The following NTNG1 variants were observed in gnomAD, a reference collection of about 807,000 sequenced individuals.
The protein encoded by NTNG1 is netrin G1.
A neutral mutation model predicts 54.0 loss-of-function variants in NTNG1; 16 were observed. That is an observed-to-expected ratio of 0.30 (90% CI 0.20 to 0.45). The LOEUF is 0.45. Ranked by LOEUF, NTNG1 falls within the 20% of genes least tolerant of loss-of-function variation. The pLI, the probability that NTNG1 is intolerant of heterozygous loss-of-function variation, is 1.00. For missense variants in NTNG1, 530 were observed against 678.7 expected, an observed-to-expected ratio of 0.78 and a Z score of 2.43; for synonymous variants, 255 against 263.1, an observed-to-expected ratio of 0.97 and a Z score of 0.30.
chr1:107,455,912 A>G (rs553874332), intron 7 of NTNG1, among the ~76,000 whole-genome samples: 1 of 152,350 alleles, frequency 6.6e-6, no homozygotes, highest in East Asian at 1.9e-4. Context: ...GAGGAAAAGT[A>G]GAGATAGCTC....
intron 3 of NTNG1, among the ~76,000 whole-genome samples, chr1:107,380,665 T>C (rs1336746493): frequency 6.6e-6 from 1 of 152,116 alleles, no homozygotes; most frequent in Non-Finnish European, 1.5e-5. Context: ...AGCGAGGAGA[T>C]AGAATTAGAT....
At chr1:107,202,442 T>TA (rs1658827320) in intron 2 of NTNG1, among the ~76,000 whole-genome samples, 1 of 151,920 alleles carries the variant, frequency 6.6e-6, no homozygotes, top group Non-Finnish European at 1.5e-5. Context: ...TAGCACTGTG[T>TA]AATAGCACAG....
intron 3 of NTNG1, among the ~76,000 whole-genome samples, chr1:107,350,724 A>C (rs1426884480): frequency 2.6e-5 from 4 of 152,228 alleles, no homozygotes; most frequent in Non-Finnish European, 5.9e-5. Context: ...CATTATGCTA[A>C]GAAATATAAG....
In NTNG1 at chr1:107,311,874, C is replaced by T. The variant is rs76904110; in HGVS notation, c.247-12408C>T. On this transcript the variant is annotated intron_variant, in intron 2 of 7. Coordinates refer to ENST00000370068, the MANE Select transcript of NTNG1 (RefSeq NM_001113226.3). Reference sequence around the variant, plus strand: ...ATACACACTCATAGGCTGATATGACCGACTTATGAGGTGTGAACACCACAA... The same window carrying T: ...ATACACACTCATAGGCTGATATGACTGACTTATGAGGTGTGAACACCACAA... Among the ~76,000 whole-genome samples, 359 of 152,124 alleles carry T rather than the reference C, an allele frequency of 2.4e-3. 3 individuals carry two copies. Among genetic ancestry groups the T allele is most frequent in the African/African-American group, 7.7e-3 (318 of 41,508 alleles).
In NTNG1 at chr1:107,322,365, C is replaced by T. The variant is rs555636614; in HGVS notation, c.247-1917C>T. 2.0e-5 allele frequency among the ~76,000 whole-genome samples: 3 copies of T among 152,168 alleles called. No homozygotes were observed. In the East Asian group the frequency reaches 5.8e-4, roughly 29 times the overall value. On this transcript the variant is annotated intron_variant, in intron 2 of 7. Transcript: ENST00000370068. ...TTTTCAGGAGGAAGATGGCAGCATC[C>T]AAGTTAATGATAGTGCAGATGGCTA...
chr1:107,318,348 ACC>A (rs1667453378), intron 2 of NTNG1, among the ~76,000 whole-genome samples: 1 of 151,884 alleles, frequency 6.6e-6, no homozygotes, highest in Admixed American at 6.6e-5. Context: ...TATTCAAAGA[ACC>A]CTTATTTTAT....
intron 3 of NTNG1, among the ~76,000 whole-genome samples, chr1:107,387,767 A>G (rs1243803667): frequency 6.6e-6 from 1 of 152,230 alleles, no homozygotes; most frequent in Admixed American, 6.5e-5. Flanking sequence ...CTAACAGGTA[A>G]TTATACCTCC....
At chr1:107,281,177 A>G (rs1664836474) in intron 2 of NTNG1, among the ~76,000 whole-genome samples, 1 of 151,986 alleles carries the variant, frequency 6.6e-6, no homozygotes, top group African/African-American at 2.4e-5. Context: ...ATGTGTTGAA[A>G]TCTTATATCT....
At chr1:107,371,733 G>C (rs1268167753) in intron 3 of NTNG1, among the ~76,000 whole-genome samples, 5 of 151,970 alleles carry the variant, frequency 3.3e-5, no homozygotes, top group Admixed American at 3.3e-4. Context: ...GAAGAGGAGG[G>C]AATACTTTCT....
At chr1:107,166,420 G>T (rs745717762) in intron 2 of NTNG1, among the ~76,000 whole-genome samples, 1 of 151,806 alleles carries the variant, frequency 6.6e-6, no homozygotes, top group Admixed American at 6.6e-5. Flanking sequence ...CTTATACTTC[G>T]CTTCATCTCT....
Position 107,347,386 on chromosome 1 carries a change from G to T in NTNG1, c.887+22464G>T, listed in dbSNP as rs552671380. Among the ~76,000 whole-genome samples the T allele has an allele frequency of 3.3e-5, 5 of 152,258 alleles. No individual in the cohort carries two copies. The East Asian group carries it at 5.8e-4, about 18-fold the overall frequency. On this transcript the variant is annotated intron_variant, in intron 3 of 7. Coordinates refer to ENST00000370068, the MANE Select transcript of NTNG1 (RefSeq NM_001113226.3). ...AAAAATTAGCTGGGCATGGTGGTGGGTGCCTGTAGCACCAGCTACTTGGGA... is the reference window on the plus strand; with the variant it reads ...AAAAATTAGCTGGGCATGGTGGTGGTTGCCTGTAGCACCAGCTACTTGGGA...
In NTNG1 at chr1:107,450,818, T is replaced by C. The variant is rs74330652; in HGVS notation, c.1390+14019T>C. Among the ~76,000 whole-genome samples, 1,134 of 152,224 alleles carry C rather than the reference T, an allele frequency of 7.4e-3. 16 individuals are homozygous for C. Among genetic ancestry groups the C allele is most frequent in the African/African-American group, 0.026 (1,083 of 41,538 alleles). On this transcript the variant is annotated intron_variant, in intron 7 of 7. Transcript: ENST00000370068. ...CAATTCTTCATCAATTTTAGGATCATCCTAAATCCTGGAAATTACCCTGTA... is the reference window on the plus strand; with the variant it reads ...CAATTCTTCATCAATTTTAGGATCACCCTAAATCCTGGAAATTACCCTGTA...
At chr1:107,364,757 C>G (rs1670492472) in intron 3 of NTNG1, among the ~76,000 whole-genome samples, 1 of 152,160 alleles carries the variant, frequency 6.6e-6, no homozygotes, top group Non-Finnish European at 1.5e-5. Flanking sequence ...ATCAATTATT[C>G]TACCTTTACA....
intron 5 of NTNG1, among the ~76,000 whole-genome samples, chr1:107,426,517 A>T (rs1241465840): frequency 6.6e-6 from 1 of 152,088 alleles, no homozygotes; most frequent in African/African-American, 2.4e-5. Context: ...ATTCTCTTCC[A>T]TTGATCTATG....
chr1:107,163,701 T>C (rs1240890141), intron 2 of NTNG1, among the ~76,000 whole-genome samples: 3 of 152,236 alleles, frequency 2.0e-5, no homozygotes, highest in Non-Finnish European at 4.4e-5. Flanking sequence ...ACATTTGCAC[T>C]GAGATTATAT....
At chr1:107,323,608 T>C (rs968361961) in intron 2 of NTNG1, among the ~76,000 whole-genome samples, 4 of 152,114 alleles carry the variant, frequency 2.6e-5, no homozygotes, top group African/African-American at 9.7e-5. Context: ...CCCAAGACTT[T>C]CCTGAACAAT....
chr1:107,220,246 G>A (rs927196245), intron 2 of NTNG1, among the ~76,000 whole-genome samples: 8 of 152,302 alleles, frequency 5.3e-5, no homozygotes, highest in Admixed American at 1.3e-4. Context: ...GGCAGCTGGT[G>A]GTCAGAGCTG....
chr1:107,411,972 C>T (rs1364268535), intron 5 of NTNG1, among the ~76,000 whole-genome samples: 2 of 152,166 alleles, frequency 1.3e-5, no homozygotes, highest in African/African-American at 4.8e-5. Context: ...CTGAAATAAT[C>T]TCCTACTTAA....
chr1:107,338,288 G>A (rs1668702943), intron 3 of NTNG1, among the ~76,000 whole-genome samples: 1 of 151,794 alleles, frequency 6.6e-6, no homozygotes, highest in South Asian at 2.1e-4. Context: ...CAAGGTTGGG[G>A]AAAAAATAAA....
Sources: gnomAD v4.1 joint callset for allele counts (sites outside exome capture counted in the v4.1 genomes callset) on GRCh38, gnomAD v4.1.1 for gene constraint, MANE v1.5 for transcripts, NCBI Gene and HGNC (gene_info 2026-07-23, HGNC 2026-07-21) for gene names.